Variants in TLN2 observed in about 807,000 individuals in gnomAD.
The protein encoded by TLN2 is talin-2.
TLN2 carries 118 observed loss-of-function variants against 294.7 expected under a neutral mutation model. The ratio of observed to expected loss-of-function variants is 0.40; its 90% CI spans 0.34 to 0.47. The LOEUF (loss-of-function observed/expected upper bound fraction) is 0.47. Among genes scored for constraint, TLN2 ranks in the 20% least tolerant of loss-of-function variants. The pLI, the probability that TLN2 is intolerant of heterozygous loss-of-function variation, is 0.84. For missense variants in TLN2, 3,083 were observed against 3,282.2 expected, an observed-to-expected ratio of 0.94 and a Z score of 1.48; for synonymous variants, 1,431 against 1,304.5, an observed-to-expected ratio of 1.10 and a Z score of -2.09.
chr15:62,696,904 T>C (rs2141082824), intron 14 of TLN2, among the ~76,000 whole-genome samples: 1 of 152,200 alleles, frequency 6.6e-6, no homozygotes, highest in South Asian at 2.1e-4. Flanking sequence ...TGGGAGATTT[T>C]CCCCTAGCTT....
At chr15:62,605,634 GA>G (rs11341782) in intron 2 of TLN2, among the ~76,000 whole-genome samples, 31,744 of 152,066 alleles carry the variant, frequency 0.21, 3,739 homozygotes, top group East Asian at 0.41. Context: ...TGCCAGCTCA[GA>G]ACACACGCCT....
At chr15:62,563,157 T>C (rs1468655287) in intron 1 of TLN2, among the ~76,000 whole-genome samples, 2 of 152,174 alleles carry the variant, frequency 1.3e-5, no homozygotes, top group Non-Finnish European at 2.9e-5. Flanking sequence ...TTTAGTTCTT[T>C]AGGGAATCTC....
At chr15:62,823,831 C>CAG (rs752141769) in intron 54 of TLN2, 35 of 410,178 alleles carry the variant, frequency 8.5e-5, no homozygotes, top group Middle Eastern at 3.7e-4. Context: ...GCCGTTTCCA[C>CAG]ATCTGCAGGC....
At chr15:62,694,246 G>A (rs991212769) in intron 13 of TLN2, 70 bp from the exon 14 acceptor site, 31 of 1,428,230 alleles carry the variant, frequency 2.2e-5, no homozygotes, top group Non-Finnish European at 2.9e-5. Context: ...CAAAGTGCTG[G>A]GATTAGAGGC....
At chr15:62,596,629 T>A (rs192802945) in intron 2 of TLN2, among the ~76,000 whole-genome samples, 149 of 151,848 alleles carry the variant, frequency 9.8e-4, no homozygotes, top group African/African-American at 3.5e-3. Flanking sequence ...TTCCAGCTAC[T>A]CTGGAGGCTG....
At chr15:62,746,471 A>G (rs2061617336) in intron 32 of TLN2, among the ~76,000 whole-genome samples, 1 of 152,192 alleles carries the variant, frequency 6.6e-6, no homozygotes. Flanking sequence ...CACCAAATAA[A>G]TGAATCACCA....
At chr15:62,456,515 A>G (rs2036493412) in intron 1 of TLN2, among the ~76,000 whole-genome samples, 1 of 152,020 alleles carries the variant, frequency 6.6e-6, no homozygotes, top group Non-Finnish European at 1.5e-5. Flanking sequence ...GTGCCTGAAA[A>G]CCCTGAAATG....
chr15:62,576,174 C>G (rs191697005), intron 1 of TLN2, among the ~76,000 whole-genome samples: 1 of 151,646 alleles, frequency 6.6e-6, no homozygotes, highest in Admixed American at 6.6e-5. Flanking sequence ...AATTCAAAAA[C>G]GAAGTCTGAG....
At chr15:62,793,465 C>G (rs2065222807) in intron 46 of TLN2, among the ~76,000 whole-genome samples, 1 of 152,206 alleles carries the variant, frequency 6.6e-6, no homozygotes, top group South Asian at 2.1e-4. Flanking sequence ...TAATATCTGA[C>G]TGATAGAACT....
At chr15:62,683,209 C>G (rs994622645) in intron 11 of TLN2, among the ~76,000 whole-genome samples, 14 of 152,222 alleles carry the variant, frequency 9.2e-5, no homozygotes, top group African/African-American at 3.1e-4. Flanking sequence ...GCCAGAAGCT[C>G]AGTCCAGTTG....
At chr15:62,636,971 A>T (rs1037149709) in intron 3 of TLN2, among the ~76,000 whole-genome samples, 1 of 151,910 alleles carries the variant, frequency 6.6e-6, no homozygotes, top group Non-Finnish European at 1.5e-5. Flanking sequence ...CCCCACCCCA[A>T]CCCCACGTAA....
At chr15:62,398,927 C>G (rs1199960884) in intron 1 of TLN2, among the ~76,000 whole-genome samples, 5 of 152,226 alleles carry the variant, frequency 3.3e-5, no homozygotes, top group South Asian at 4.2e-4. Context: ...GGCAGCCCCT[C>G]CCATCTCAGG....
intron 1 of TLN2, among the ~76,000 whole-genome samples, chr15:62,582,691 C>T (rs1457233855): frequency 6.6e-6 from 1 of 152,082 alleles, no homozygotes; most frequent in Non-Finnish European, 1.5e-5. Context: ...ACTCCCAGGG[C>T]ACGCCAGGCA....
intron 1 of TLN2, among the ~76,000 whole-genome samples, chr15:62,440,636 C>G (rs547066686): frequency 2.2e-4 from 34 of 152,266 alleles, no homozygotes; most frequent in Non-Finnish European, 4.1e-4. Context: ...CTCTTATACC[C>G]CTATCCCTGT....
chr15:62,806,562 T>C (rs943816310), intron 51 of TLN2, among the ~76,000 whole-genome samples: 2 of 152,228 alleles, frequency 1.3e-5, no homozygotes, highest in African/African-American at 4.8e-5. Context: ...CTTTTCACAG[T>C]CTGTGCTAGA....
chr15:62,700,158 C>G (rs1453954020), intron 16 of TLN2, among the ~76,000 whole-genome samples: 1 of 152,156 alleles, frequency 6.6e-6, no homozygotes, highest in African/African-American at 2.4e-5. Context: ...ATGGCAGACT[C>G]CCATATCCAG....
intron 11 of TLN2, among the ~76,000 whole-genome samples, chr15:62,678,835 T>C (rs935655409): frequency 6.6e-6 from 1 of 152,022 alleles, no homozygotes; most frequent in Non-Finnish European, 1.5e-5. Flanking sequence ...TGCCTCAAAA[T>C]AAATAAATAA....
chr15:62,570,873 A>G (rs1056899154), intron 1 of TLN2, among the ~76,000 whole-genome samples: 1 of 151,730 alleles, frequency 6.6e-6, no homozygotes, highest in African/African-American at 2.4e-5. Flanking sequence ...TACTGGTGGC[A>G]TAGTGGAAGA....
intron 54 of TLN2, among the ~76,000 whole-genome samples, chr15:62,821,036 A>T (rs2067521878): frequency 6.6e-6 from 1 of 152,222 alleles, no homozygotes; most frequent in Non-Finnish European, 1.5e-5. Flanking sequence ...CACCCACTCC[A>T]GGCTTTGTCA....
Sources: allele counts gnomAD v4.1 joint callset (sites outside exome capture counted in the v4.1 genomes callset), GRCh38; gene constraint gnomAD v4.1.1; transcripts MANE v1.5; gene names NCBI Gene and HGNC (gene_info 2026-07-23, HGNC 2026-07-21).